The following PRDM16 variants were observed in gnomAD, a reference collection of about 807,000 sequenced individuals.
PRDM16 encodes the protein PR/SET domain 16.
A neutral mutation model predicts 110.6 loss-of-function variants in PRDM16; 23 were observed. The observed-to-expected ratio is 0.21, with a 90% CI of 0.15 to 0.29. The LOEUF (loss-of-function observed/expected upper bound fraction) is 0.29, where lower values mean the gene tolerates loss of function less well. Among genes scored for constraint, PRDM16 ranks in the 10% least tolerant of loss-of-function variants. The pLI, the probability that PRDM16 is intolerant of heterozygous loss-of-function variation, is 1.00. For missense variants in PRDM16, 1,615 were observed against 1,794.3 expected, an observed-to-expected ratio of 0.90 and a Z score of 1.81; for synonymous variants, 799 against 781.8, an observed-to-expected ratio of 1.02 and a Z score of -0.37.
intron 3 of PRDM16, among the ~76,000 whole-genome samples, chr1:3,268,800 C>T (rs927119308): frequency 6.6e-6 from 1 of 152,210 alleles, no homozygotes; most frequent in Non-Finnish European, 1.5e-5. Flanking sequence ...GGAGGGCAGC[C>T]GTGAGCCATG....
intron 2 of PRDM16, among the ~76,000 whole-genome samples, chr1:3,242,700 C>T (rs963221057): frequency 6.6e-6 from 1 of 152,256 alleles, no homozygotes; most frequent in African/African-American, 2.4e-5. Flanking sequence ...GGAACGCCAG[C>T]TCGTCAATTG....
At chr1:3,383,957 C>CTGCCCAAGGACACACT (rs966051344) in intron 3 of PRDM16, among the ~76,000 whole-genome samples, 1 of 151,676 alleles carries the variant, frequency 6.6e-6, no homozygotes, top group East Asian at 1.9e-4. Context: ...CAGGACACAC[C>CTGCCCAAGGACACACT]TGCCCAAGGA....
intron 3 of PRDM16, chr1:3,308,461 C>A (rs959289948): frequency 1.2e-4 from 18 of 152,376 alleles, no homozygotes; most frequent in African/African-American, 4.1e-4. Flanking sequence ...GCCTTGGGTT[C>A]CTCCTGCTCC....
chr1:3,103,204 C>T (rs1642572064), intron 1 of PRDM16, among the ~76,000 whole-genome samples: 2 of 152,220 alleles, frequency 1.3e-5, no homozygotes, highest in Admixed American at 6.5e-5. Flanking sequence ...GACTGGGCAG[C>T]TTAGACAGCA....
chr1:3,220,010 C>T (rs1382636777), intron 2 of PRDM16, among the ~76,000 whole-genome samples: 1 of 152,182 alleles, frequency 6.6e-6, no homozygotes, highest in African/African-American at 2.4e-5. Context: ...ATGAGCCTCT[C>T]CTGAAAACCA....
chr1:3,359,659 T>C lies in PRDM16; in HGVS notation c.439-25493T>C, dbSNP rs548370137. Among the ~76,000 whole-genome samples, 1 of 152,166 alleles carries C rather than the reference T, an allele frequency of 6.6e-6. No individual in the cohort carries two copies. Among genetic ancestry groups the C allele is most frequent in the Non-Finnish European group, 1.5e-5 (1 of 68,034 alleles). On this transcript the variant is annotated intron_variant, in intron 3 of 16. Coordinates refer to ENST00000270722, the MANE Select transcript of PRDM16 (RefSeq NM_022114.4). This position sits in a 1 kb window ranked among gnomAD's most constrained non-coding sequence, Gnocchi z 4.3. Reference sequence around the variant, plus strand: ...AGCCCCATCTCTCTGGGCCTTGTCTTAAAGGGTCTTTAGAAAATTTTTGGC... The same window carrying C: ...AGCCCCATCTCTCTGGGCCTTGTCTCAAAGGGTCTTTAGAAAATTTTTGGC...
intron 3 of PRDM16, among the ~76,000 whole-genome samples, chr1:3,354,321 G>T (rs1331376500): frequency 6.6e-6 from 1 of 152,040 alleles, no homozygotes; most frequent in Admixed American, 6.5e-5. Context: ...TTAGCCAGGC[G>T]TTGTGGTGCG....
chr1:3,402,473 C>CT (rs1441180878), intron 5 of PRDM16, among the ~76,000 whole-genome samples: 1 of 152,250 alleles, frequency 6.6e-6, no homozygotes, highest in Non-Finnish European at 1.5e-5. Flanking sequence ...CCTCCACTCC[C>CT]GAGCGGGGCC....
chr1:3,316,666 G>A (rs1339344656), intron 3 of PRDM16, among the ~76,000 whole-genome samples: 1 of 148,864 alleles, frequency 6.7e-6, no homozygotes, highest in East Asian at 1.9e-4. Context: ...ACACAGGGTA[G>A]ACAGGAAACA....
chr1:3,307,618 G>A (rs1641344136), intron 3 of PRDM16: 1 of 152,170 alleles, frequency 6.6e-6, no homozygotes, highest in Non-Finnish European at 1.5e-5. Flanking sequence ...AGCGCACAGT[G>A]TGCAAGGCTG....
At chr1:3,261,860 TGG>T (rs1640171004) in intron 3 of PRDM16, among the ~76,000 whole-genome samples, 1 of 152,198 alleles carries the variant, frequency 6.6e-6, no homozygotes, top group Non-Finnish European at 1.5e-5. Flanking sequence ...ACAGGTTGTC[TGG>T]CCTGCAGCCT....
intron 3 of PRDM16, among the ~76,000 whole-genome samples, chr1:3,252,480 G>A (rs145061142): frequency 0.017 from 2,575 of 152,280 alleles, 78 homozygotes; most frequent in African/African-American, 0.058. Context: ...AGTGGGGGCC[G>A]CGGTGGAGGT....
intron 3 of PRDM16, among the ~76,000 whole-genome samples, chr1:3,261,461 G>A (rs1640163124): frequency 6.6e-6 from 1 of 152,156 alleles, no homozygotes; most frequent in Non-Finnish European, 1.5e-5. Context: ...AATTCATAGT[G>A]TGGGTTTGGA....
In PRDM16 at chr1:3,436,564, C is replaced by G. The variant is rs57634511; in HGVS notation, c.*2753C>G. 2.0e-3 allele frequency: 467 copies of G among 232,240 alleles called. 1 individual carries two copies. The highest frequency in any genetic ancestry group is 9.4e-3 in the African/African-American group (426 of 45,392). The allele number at this position is 232,240 out of a possible 1,614,324, so 14.4% of individuals were successfully genotyped here. The stretch of plus-strand genomic sequence containing the variant: ...CCCTGACAAAGGCAGCACTTATTTC[C>G]TGGGCTGGTGCGCCCCAAAACACGG... On this transcript the variant is annotated 3_prime_UTR_variant, in exon 17 of 17. Coordinates refer to ENST00000270722, the MANE Select transcript of PRDM16 (RefSeq NM_022114.4).
intron 3 of PRDM16, among the ~76,000 whole-genome samples, chr1:3,354,376 C>T (rs1045241006): frequency 6.7e-6 from 1 of 149,156 alleles, no homozygotes; most frequent in Non-Finnish European, 1.5e-5. Flanking sequence ...AGGAGAATCG[C>T]TTGAATCCAG....
At chr1:3,151,044 G>T (rs1557485984) in intron 1 of PRDM16, among the ~76,000 whole-genome samples, 1 of 152,042 alleles carries the variant, frequency 6.6e-6, no homozygotes, top group Non-Finnish European at 1.5e-5. Flanking sequence ...ATGGAAGCCG[G>T]GGGCTGGTCC....
chr1:3,406,472 G>A (rs145256764), intron 8 of PRDM16, among the ~76,000 whole-genome samples: 1 of 152,130 alleles, frequency 6.6e-6, no homozygotes, highest in African/African-American at 2.4e-5. Context: ...GCTCACACCT[G>A]TAATCCCAAC....
At chr1:3,114,968 C>T (rs887642290) in intron 1 of PRDM16, among the ~76,000 whole-genome samples, 7 of 152,282 alleles carry the variant, frequency 4.6e-5, no homozygotes, top group Admixed American at 3.9e-4. Context: ...CCTCTGACCT[C>T]GCCCCTGGGC....
At chr1:3,351,062 A>G (rs1052887381) in intron 3 of PRDM16, among the ~76,000 whole-genome samples, 8 of 152,206 alleles carry the variant, frequency 5.3e-5, no homozygotes, top group African/African-American at 1.9e-4. Context: ...ACAGGCCAAG[A>G]GATCCCCGTG....
Sources: allele counts gnomAD v4.1 joint callset (sites outside exome capture counted in the v4.1 genomes callset), GRCh38; gene constraint gnomAD v4.1.1; non-coding constraint Gnocchi (gnomAD v3.1); transcripts MANE v1.5; gene names NCBI Gene and HGNC (gene_info 2026-07-23, HGNC 2026-07-21).